Variants in DLEU7 observed in about 807,000 individuals in gnomAD.
The protein encoded by DLEU7 is leukemia-associated protein 7.
A neutral mutation model predicts 16.0 loss-of-function variants in DLEU7; 17 were observed. The observed-to-expected ratio is 1.06, with a 90% CI of 0.73 to 1.59. DLEU7 has a LOEUF of 1.59. DLEU7 is among the 40% of genes most tolerant of loss of function. The probability of loss-of-function intolerance (pLI) is 0.00; values close to 1 mark genes in which losing one functional copy is unlikely to be tolerated. For synonymous variants in DLEU7, 113 were observed against 139.8 expected (o/e 0.81, Z 1.35); for missense variants, 308 against 314.9 (o/e 0.98, Z 0.17).
chr13:50,714,902 C>G (rs1432021096), intron 1 of DLEU7, among the ~76,000 whole-genome samples: 3 of 152,202 alleles, frequency 2.0e-5, no homozygotes, highest in African/African-American at 7.2e-5. Flanking sequence ...GGTTAGAAGT[C>G]CAGTGGGCGC....
At chr13:50,772,057 GTC>G (rs1771018890) in intron 1 of DLEU7, among the ~76,000 whole-genome samples, 1 of 152,136 alleles carries the variant, frequency 6.6e-6, no homozygotes, top group Non-Finnish European at 1.5e-5. Flanking sequence ...TTGGTTTAAA[GTC>G]TGTTTTATCA....
intron 1 of DLEU7, among the ~76,000 whole-genome samples, chr13:50,742,368 G>A (rs1480138616): frequency 6.6e-6 from 1 of 152,102 alleles, no homozygotes; most frequent in African/African-American, 2.4e-5. Context: ...TATGGCATTT[G>A]CTTCTTTCTT....
chr13:50,806,878 G>A (rs920212538), intron 1 of DLEU7, among the ~76,000 whole-genome samples: 1 of 150,434 alleles, frequency 6.6e-6, no homozygotes, highest in African/African-American at 2.5e-5. Flanking sequence ...GGGAAGTGGA[G>A]GTTGCAATGA....
chr13:50,785,276 A>G (rs1593394828), intron 1 of DLEU7, among the ~76,000 whole-genome samples: 1 of 152,208 alleles, frequency 6.6e-6, no homozygotes, highest in Non-Finnish European at 1.5e-5. Context: ...CTAGCTTTCA[A>G]TTATTTCACA....
chr13:50,803,333 CT>C (rs1415139058), intron 1 of DLEU7, among the ~76,000 whole-genome samples: 1 of 152,120 alleles, frequency 6.6e-6, no homozygotes, highest in Non-Finnish European at 1.5e-5. Flanking sequence ...GATAATTTAA[CT>C]TGAAATTCTC....
chr13:50,750,146 T>C (rs528348101), intron 1 of DLEU7, among the ~76,000 whole-genome samples: 1 of 152,370 alleles, frequency 6.6e-6, no homozygotes, highest in South Asian at 2.1e-4. Context: ...TTCATTCTCC[T>C]ATATGTGGCT....
chr13:50,777,122 A>T (rs1455577121), intron 1 of DLEU7, among the ~76,000 whole-genome samples: 2 of 152,212 alleles, frequency 1.3e-5, no homozygotes, highest in Non-Finnish European at 2.9e-5. Flanking sequence ...CTTACAACTA[A>T]CCTGCTTTAC....
At chr13:50,767,273 G>C (rs1211373235) in intron 1 of DLEU7, among the ~76,000 whole-genome samples, 1 of 152,046 alleles carries the variant, frequency 6.6e-6, no homozygotes, top group African/African-American at 2.4e-5. Context: ...GGCTAACACA[G>C]TGAAACCCCG....
chr13:50,759,191 CCATTTTAAGCCTAGTCTAT>C (rs367874389), intron 1 of DLEU7, among the ~76,000 whole-genome samples: 1,759 of 152,312 alleles, frequency 0.012, 25 homozygotes, highest in Non-Finnish European at 0.016. Flanking sequence ...TACATATTTT[CCATTTTAAGCCTAGTCTAT>C]CAGCTTCATT....
intron 1 of DLEU7, among the ~76,000 whole-genome samples, chr13:50,730,867 G>A (rs1053290176): frequency 1.3e-5 from 2 of 152,114 alleles, no homozygotes; most frequent in Non-Finnish European, 2.9e-5. Context: ...AATAAATAGA[G>A]TCTGGAGACA....
At chr13:50,783,584 A>G (rs926919385) in intron 1 of DLEU7, among the ~76,000 whole-genome samples, 8 of 152,138 alleles carry the variant, frequency 5.3e-5, no homozygotes, top group Admixed American at 2.0e-4. Context: ...AGCCGATACA[A>G]CCTCTCAGAG....
intron 1 of DLEU7, among the ~76,000 whole-genome samples, chr13:50,755,500 C>T (rs913507591): frequency 7.9e-5 from 12 of 152,094 alleles, no homozygotes; most frequent in African/African-American, 2.7e-4. Context: ...CTTTCCAGAA[C>T]ATTTTGTATT....
At chr13:50,750,525 C>A (rs1358448982) in intron 1 of DLEU7, among the ~76,000 whole-genome samples, 2 of 152,020 alleles carry the variant, frequency 1.3e-5, no homozygotes, top group Non-Finnish European at 2.9e-5. Flanking sequence ...TTGCTTTTGG[C>A]AGTATGGTCA....
In DLEU7 at chr13:50,822,995, T is replaced by G. The variant is rs1033214314; in HGVS notation, c.*319A>C. On this transcript the variant is annotated 3_prime_UTR_variant, in exon 2 of 2. Transcript: ENST00000504404. ...AATATGAATACAAATTAAGGTATCATTCAATAAAAACTAATAATATGAATA... is the reference window on the plus strand; with the variant it reads ...AATATGAATACAAATTAAGGTATCAGTCAATAAAAACTAATAATATGAATA... 2 of 918,972 alleles carry G rather than the reference T, an allele frequency of 2.2e-6. No individual in the cohort carries two copies. Among genetic ancestry groups the G allele is most frequent in the African/African-American group, 3.6e-5 (2 of 56,152 alleles). The allele number at this position is 918,972 out of a possible 1,614,324, so 56.9% of individuals were successfully genotyped here. A position where few individuals can be genotyped will look rare whatever the true frequency, so the allele number is the denominator to read the frequency against.
intron 1 of DLEU7, among the ~76,000 whole-genome samples, chr13:50,768,882 C>T (rs139959513): frequency 0.019 from 2,863 of 152,270 alleles, 100 homozygotes; most frequent in African/African-American, 0.064. Context: ...AATGGCTGAA[C>T]TAGTTTACAT....
At chr13:50,767,670 G>C (rs1875163145) in intron 1 of DLEU7, among the ~76,000 whole-genome samples, 1 of 152,056 alleles carries the variant, frequency 6.6e-6, no homozygotes, top group Non-Finnish European at 1.5e-5. Flanking sequence ...AGAATTCAAG[G>C]CATCACCAAA....
intron 1 of DLEU7, among the ~76,000 whole-genome samples, chr13:50,767,286 T>C (rs1875144493): frequency 6.6e-6 from 1 of 151,624 alleles, no homozygotes; most frequent in Admixed American, 6.6e-5. Context: ...AAACCCCGAC[T>C]CTACTAAAAA....
chr13:50,843,394 A>T lies in DLEU7; in HGVS notation c.253T>A (p.Ser85Thr). 7.5e-7 allele frequency: 1 copy of T among 1,331,972 alleles called. No individual in the cohort carries two copies. 82.5% of individuals were successfully genotyped at this position (1,331,972 alleles called of 1,614,324 possible). A position where few individuals can be genotyped will look rare whatever the true frequency, so the allele number is the denominator to read the frequency against. ...CCTCGCACTACCTCCTCCTCTGGGG[A>T]GTTCGCCCGCGCCGCGGTCCGCCGA... is the stretch of plus-strand genomic sequence containing the variant. Reference protein sequence around the residue: ...RSRRTAARANSPEEEVVRGAE... With the variant: ...RSRRTAARANTPEEEVVRGAE... Residue 85 changes from serine to threonine, a missense_variant, in exon 1 of 2, where the codon TCC becomes ACC. Physicochemically the swap from Ser to Thr is moderately conservative, Grantham distance 58. Transcript: ENST00000504404. This position sits in a 1 kb window ranked among gnomAD's most constrained non-coding sequence, Gnocchi z 5.7.
At chr13:50,764,240 A>G (rs1875032878) in intron 1 of DLEU7, among the ~76,000 whole-genome samples, 1 of 152,252 alleles carries the variant, frequency 6.6e-6, no homozygotes, top group Non-Finnish European at 1.5e-5. Flanking sequence ...ACACATTACA[A>G]GTTGCATCAT....
Sources: allele counts gnomAD v4.1 joint callset (sites outside exome capture counted in the v4.1 genomes callset), GRCh38; gene constraint gnomAD v4.1.1; non-coding constraint Gnocchi (gnomAD v3.1); transcripts MANE v1.5; gene names NCBI Gene and HGNC (gene_info 2026-07-23, HGNC 2026-07-21).